LRRTM4: variants seen among roughly 807,000 people sequenced by gnomAD.
The protein encoded by LRRTM4 is leucine-rich repeat transmembrane neuronal protein 4.
LRRTM4 carries 25 observed loss-of-function variants against 47.6 expected under a neutral mutation model. That is an observed-to-expected ratio of 0.53 (90% CI 0.38 to 0.73). The LOEUF is 0.73. Among genes scored for constraint, LRRTM4 ranks in the 30% least tolerant of loss-of-function variants. LRRTM4 has a pLI of 0.00. For missense variants in LRRTM4, 638 were observed against 713.4 expected, an observed-to-expected ratio of 0.89 and a Z score of 1.20; for synonymous variants, 311 against 269.5, an observed-to-expected ratio of 1.15 and a Z score of -1.51.
In LRRTM4 at chr2:77,521,222, G is replaced by A. The variant is rs572865616; in HGVS notation, c.4+446C>T. On this transcript the variant is annotated intron_variant, in intron 2 of 3. Transcript: ENST00000409884. ...ATTCGGAAGCTGTGTTCAGGATCCA[G>A]CTTCAAAGATAAAACAAGCCCTTGT... Among the ~76,000 whole-genome samples the A allele has an allele frequency of 9.9e-5, 15 of 151,974 alleles. No homozygotes were observed. The South Asian group carries it at 2.9e-3, about 29-fold the overall frequency.
intron 3 of LRRTM4, among the ~76,000 whole-genome samples, chr2:76,956,758 G>A (rs1183389661): frequency 6.6e-6 from 1 of 150,654 alleles, no homozygotes; most frequent in Admixed American, 6.6e-5. Flanking sequence ...GAAAACAGGA[G>A]ACATTACAAA....
At chr2:76,938,310 T>C (rs72821299) in intron 3 of LRRTM4, among the ~76,000 whole-genome samples, 2,805 of 152,284 alleles carry the variant, frequency 0.018, 68 homozygotes, top group East Asian at 0.082. Flanking sequence ...ATCTGGCTAA[T>C]AGTATCATTC....
At chr2:76,886,373 A>C (rs1295882518) in intron 3 of LRRTM4, among the ~76,000 whole-genome samples, 2 of 152,074 alleles carry the variant, frequency 1.3e-5, no homozygotes, top group African/African-American at 4.8e-5. Context: ...TGGTGCATAA[A>C]TTTTCTTAAA....
At chr2:76,752,271 TTAAAC>T (rs1374214569) in intron 3 of LRRTM4, among the ~76,000 whole-genome samples, 1 of 152,148 alleles carries the variant, frequency 6.6e-6, no homozygotes, top group African/African-American at 2.4e-5. Flanking sequence ...GCCTTTTAAT[TTAAAC>T]TATAGTGGGA....
intron 3 of LRRTM4, among the ~76,000 whole-genome samples, chr2:77,036,233 T>C (rs1013784362): frequency 6.6e-6 from 1 of 151,734 alleles, no homozygotes; most frequent in Non-Finnish European, 1.5e-5. Context: ...TGGGAGAAGA[T>C]AAAAAATAAA....
chr2:77,021,910 T>C (rs182219251), intron 3 of LRRTM4, among the ~76,000 whole-genome samples: 156 of 152,318 alleles, frequency 1.0e-3, no homozygotes, highest in African/African-American at 3.7e-3. Context: ...CCACTCATGC[T>C]GTATCTTAGC....
At chr2:77,063,453 A>C (rs2103806585) in intron 3 of LRRTM4, among the ~76,000 whole-genome samples, 1 of 152,242 alleles carries the variant, frequency 6.6e-6, no homozygotes, top group East Asian at 1.9e-4. Context: ...GTTTCTACCA[A>C]ATTACCTGTA....
intron 3 of LRRTM4, among the ~76,000 whole-genome samples, chr2:77,429,575 T>C (rs1276213452): frequency 1.3e-5 from 2 of 152,016 alleles, no homozygotes; most frequent in African/African-American, 2.4e-5. Flanking sequence ...CTGGAGAACA[T>C]AACTTTAATT....
chr2:77,128,889 C>T (rs1234784339), intron 3 of LRRTM4, among the ~76,000 whole-genome samples: 1 of 152,188 alleles, frequency 6.6e-6, no homozygotes, highest in African/African-American at 2.4e-5. Flanking sequence ...ATCCACCTGT[C>T]GTGGCCTCCC....
chr2:76,981,391 C>G (rs1676602768), intron 3 of LRRTM4, among the ~76,000 whole-genome samples: 1 of 152,150 alleles, frequency 6.6e-6, no homozygotes, highest in African/African-American at 2.4e-5. Flanking sequence ...TCTATTCCAA[C>G]TGCATACATC....
At chr2:76,908,728 G>A (rs1292933039) in intron 3 of LRRTM4, among the ~76,000 whole-genome samples, 3 of 152,064 alleles carry the variant, frequency 2.0e-5, no homozygotes, top group Admixed American at 2.0e-4. Flanking sequence ...AATCATGAGT[G>A]AACTCCCATT....
At chr2:76,806,320 A>T (rs1014175819) in intron 3 of LRRTM4, among the ~76,000 whole-genome samples, 5 of 152,182 alleles carry the variant, frequency 3.3e-5, no homozygotes, top group African/African-American at 1.2e-4. Context: ...GGTGGCTCAC[A>T]CCTGTAATCT....
chr2:77,427,277 T>G (rs1187923625), intron 3 of LRRTM4, among the ~76,000 whole-genome samples: 1 of 152,098 alleles, frequency 6.6e-6, no homozygotes, highest in East Asian at 1.9e-4. Flanking sequence ...GCACCCGGCC[T>G]AGCTTTATTC....
intron 3 of LRRTM4, among the ~76,000 whole-genome samples, chr2:76,929,523 T>G (rs1674698280): frequency 6.6e-6 from 1 of 152,208 alleles, no homozygotes; most frequent in Admixed American, 6.5e-5. Flanking sequence ...GCTGTTGCTA[T>G]TAGCTTTTTT....
chr2:77,430,852 G>A (rs1049213281), intron 3 of LRRTM4, among the ~76,000 whole-genome samples: 2 of 148,666 alleles, frequency 1.3e-5, no homozygotes, highest in Admixed American at 6.6e-5. Context: ...GGGACTGAGT[G>A]GGGGAAGATC....
chr2:76,936,256 C>T (rs1674943560), intron 3 of LRRTM4, among the ~76,000 whole-genome samples: 1 of 151,812 alleles, frequency 6.6e-6, no homozygotes, highest in African/African-American at 2.4e-5. Flanking sequence ...TACTATGCAG[C>T]CATAAAAAAG....
intron 3 of LRRTM4, among the ~76,000 whole-genome samples, chr2:76,811,671 C>T (rs557177974): frequency 6.6e-6 from 1 of 152,288 alleles, no homozygotes; most frequent in African/African-American, 2.4e-5. Flanking sequence ...ACCAAAAGGG[C>T]TGACTTCATG....
Position 77,169,028 on chromosome 2 carries a change from C to T in LRRTM4, c.1551+349290G>A, listed in dbSNP as rs572892049. On this transcript the variant is annotated intron_variant, in intron 3 of 3. Transcript: ENST00000409884. ...AAAAGCATTTGATATAATTCAATAT[C>T]CTTTTATGATAAAAAACTCTGAAAA... Among the ~76,000 whole-genome samples the T allele has an allele frequency of 5.3e-5, 8 of 152,168 alleles. No individual in the cohort carries two copies. In the South Asian group the frequency reaches 1.5e-3, roughly 28 times the overall value.
chr2:77,174,310 A>G (rs1229275662), intron 3 of LRRTM4, among the ~76,000 whole-genome samples: 1 of 152,138 alleles, frequency 6.6e-6, no homozygotes, highest in Non-Finnish European at 1.5e-5. Context: ...GGCAACCTTA[A>G]AAGAGCCACA....
Sources: allele counts gnomAD v4.1 joint callset (sites outside exome capture counted in the v4.1 genomes callset), GRCh38; gene constraint gnomAD v4.1.1; transcripts MANE v1.5; gene names NCBI Gene and HGNC (gene_info 2026-07-23, HGNC 2026-07-21).